RAP1GDS1: variants seen among roughly 807,000 people sequenced by gnomAD.
The protein encoded by RAP1GDS1 is Rap1 GTPase-GDP dissociation stimulator 1, also known as RAP1, GTP-GDP dissociation stimulator 1.
RAP1GDS1 carries 35 observed loss-of-function variants against 71.1 expected under a neutral mutation model. The observed-to-expected ratio is 0.49, with a 90% CI of 0.38 to 0.65. The LOEUF is 0.65. Among genes scored for constraint, RAP1GDS1 ranks in the 30% least tolerant of loss-of-function variants. The pLI is 0.00. For missense variants in RAP1GDS1, 663 were observed against 706.1 expected, an observed-to-expected ratio of 0.94 and a Z score of 0.69; for synonymous variants, 229 against 243.1, an observed-to-expected ratio of 0.94 and a Z score of 0.54.
intron 1 of RAP1GDS1, among the ~76,000 whole-genome samples, chr4:98,272,331 G>T (rs1723591353): frequency 6.6e-6 from 1 of 152,142 alleles, no homozygotes; most frequent in Non-Finnish European, 1.5e-5. Flanking sequence ...CATGCTTCGG[G>T]ATTTATCAAA....
intron 2 of RAP1GDS1, among the ~76,000 whole-genome samples, chr4:98,336,736 T>G (rs1734762660): frequency 6.6e-6 from 1 of 151,696 alleles, no homozygotes; most frequent in Non-Finnish European, 1.5e-5. Flanking sequence ...GAATTGCCAT[T>G]TTTTTTTATT....
intron 7 of RAP1GDS1, among the ~76,000 whole-genome samples, chr4:98,413,898 T>C (rs1163161660): frequency 5.9e-5 from 9 of 152,024 alleles, no homozygotes; most frequent in African/African-American, 2.2e-4. Context: ...CCTGACTTTT[T>C]AATGATTGCC....
chr4:98,369,283 ACTT>A (rs1740002861), intron 4 of RAP1GDS1, among the ~76,000 whole-genome samples: 1 of 152,104 alleles, frequency 6.6e-6, no homozygotes, highest in Admixed American at 6.6e-5. Context: ...GTATATGAAA[ACTT>A]CTTAAATATA....
At chr4:98,273,648 A>C (rs1452265648) in intron 1 of RAP1GDS1, among the ~76,000 whole-genome samples, 1 of 152,122 alleles carries the variant, frequency 6.6e-6, no homozygotes, top group Non-Finnish European at 1.5e-5. Flanking sequence ...TTCATCTTTG[A>C]GGCATTTTTT....
intron 1 of RAP1GDS1, among the ~76,000 whole-genome samples, chr4:98,288,431 T>C (rs981485481): frequency 1.3e-5 from 2 of 152,198 alleles, no homozygotes; most frequent in Non-Finnish European, 2.9e-5. Context: ...CCGTCTATCA[T>C]TGTTGGACAT....
At chr4:98,441,928 A>G in intron 14 of RAP1GDS1, 62 bp from the exon 15 acceptor site, 5 of 1,550,278 alleles carry the variant, frequency 3.2e-6, no homozygotes, top group East Asian at 2.3e-5. Flanking sequence ...ATTTTGGTAT[A>G]TGTTTTGGAT....
At chr4:98,370,791 G>A (rs182049986) in intron 4 of RAP1GDS1, among the ~76,000 whole-genome samples, 20 of 152,066 alleles carry the variant, frequency 1.3e-4, no homozygotes, top group African/African-American at 3.1e-4. Context: ...GGCTGGTCTC[G>A]AACTCCTGAC....
chr4:98,411,942 T>G (rs953491492), intron 7 of RAP1GDS1, among the ~76,000 whole-genome samples: 1 of 152,178 alleles, frequency 6.6e-6, no homozygotes, highest in Non-Finnish European at 1.5e-5. Context: ...ACTTTTAGCA[T>G]GGCACAGTAC....
At chr4:98,346,103 T>A (rs923172417) in intron 3 of RAP1GDS1, among the ~76,000 whole-genome samples, 1 of 152,204 alleles carries the variant, frequency 6.6e-6, no homozygotes, top group African/African-American at 2.4e-5. Context: ...CCATCTGTTT[T>A]AACAAGTCCT....
intron 1 of RAP1GDS1, among the ~76,000 whole-genome samples, chr4:98,279,691 T>G (rs1210986895): frequency 6.6e-6 from 1 of 152,178 alleles, no homozygotes; most frequent in Non-Finnish European, 1.5e-5. Flanking sequence ...ATATGTGCCA[T>G]GTTGGTTTGC....
chr4:98,441,082 G>T (rs1751797762), intron 14 of RAP1GDS1, among the ~76,000 whole-genome samples: 1 of 152,176 alleles, frequency 6.6e-6, no homozygotes, highest in Non-Finnish European at 1.5e-5. Flanking sequence ...GAGAACTCCA[G>T]CTTTGTTCAT....
At chr4:98,418,859 G>C (rs894115843) in intron 10 of RAP1GDS1, 68 bp downstream of exon 10, 1 of 1,407,542 alleles carries the variant, frequency 7.1e-7, no homozygotes, top group African/African-American at 1.5e-5. Context: ...GCTATTAACT[G>C]TATGTGATTT....
intron 12 of RAP1GDS1, among the ~76,000 whole-genome samples, chr4:98,432,219 T>C (rs1750528933): frequency 6.6e-6 from 1 of 152,226 alleles, no homozygotes; most frequent in African/African-American, 2.4e-5. Flanking sequence ...TCATTTCTGA[T>C]GTACACATTT....
intron 2 of RAP1GDS1, among the ~76,000 whole-genome samples, chr4:98,308,500 TTAA>T (rs1729725046): frequency 6.7e-6 from 1 of 150,332 alleles, no homozygotes; most frequent in South Asian, 2.1e-4. Flanking sequence ...AACAATTTCT[TTAA>T]AAACAAAAAG....
chr4:98,364,291 A>G (rs770233994), intron 4 of RAP1GDS1, among the ~76,000 whole-genome samples: 5 of 152,170 alleles, frequency 3.3e-5, no homozygotes, highest in Non-Finnish European at 5.9e-5. Context: ...CCTTGAAATC[A>G]TAGTTTTTTA....
chr4:98,439,746 A>C (rs1751649112), intron 14 of RAP1GDS1, among the ~76,000 whole-genome samples: 1 of 152,022 alleles, frequency 6.6e-6, no homozygotes, highest in Non-Finnish European at 1.5e-5. Context: ...AAAAATTTCC[A>C]TTTGCTTCTT....
At chr4:98,283,241 A>T (rs1436710971) in intron 1 of RAP1GDS1, among the ~76,000 whole-genome samples, 1 of 152,214 alleles carries the variant, frequency 6.6e-6, no homozygotes, top group African/African-American at 2.4e-5. Context: ...TTTTAATATT[A>T]TAAGCTACAT....
intron 2 of RAP1GDS1, among the ~76,000 whole-genome samples, chr4:98,294,808 CGAT>C (rs1433566279): frequency 6.6e-6 from 1 of 152,042 alleles, no homozygotes; most frequent in Non-Finnish European, 1.5e-5. Context: ...AAGAACCACA[CGAT>C]GACCTGATTT....
At chr4:98,264,817 G>T (rs145232558) in intron 1 of RAP1GDS1, among the ~76,000 whole-genome samples, 1 of 152,158 alleles carries the variant, frequency 6.6e-6, no homozygotes, top group Non-Finnish European at 1.5e-5. Flanking sequence ...GTTGGTCTGG[G>T]GTTGGAAGAG....
Sources: allele counts gnomAD v4.1 joint callset (sites outside exome capture counted in the v4.1 genomes callset), GRCh38; gene constraint gnomAD v4.1.1; transcripts MANE v1.5; gene names NCBI Gene and HGNC (gene_info 2026-07-23, HGNC 2026-07-21).